Variants in DST observed in about 807,000 individuals in gnomAD.
DST encodes the protein dystonin.
A neutral mutation model predicts 875.2 loss-of-function variants in DST; 253 were observed. The observed-to-expected ratio is 0.29, with a 90% CI of 0.26 to 0.32. DST has a LOEUF of 0.32. DST is among the 10% of genes least tolerant of loss of function. The probability of loss-of-function intolerance (pLI) is 1.00; values close to 1 mark genes in which losing one functional copy is unlikely to be tolerated. For synonymous variants in DST, 3,124 were observed against 3,197.1 expected (o/e 0.98, Z 0.77); for missense variants, 8,287 against 9,111.6 (o/e 0.91, Z 3.68).
In DST at chr6:56,572,156, T is replaced by C. The variant is rs2097789375; in HGVS notation, c.13665A>G (p.Glu4555=). 6.5e-7 allele frequency: 1 copy of C among 1,534,370 alleles called. No individual in the cohort carries two copies. The highest frequency in any genetic ancestry group is 2.1e-5 in the Admixed American group (1 of 48,046). ...ATTTCTTTGACAAATTATTTGTTTTTTCAAGGACCAAAGCCTTATCACTTG... is the reference window on the plus strand; with the variant it reads ...ATTTCTTTGACAAATTATTTGTTTTCTCAAGGACCAAAGCCTTATCACTTG... The part of the protein sequence containing the change: ...GLPSDKALVL[E]KTNNLSKKFK... Residue 4555 remains glutamate (E), a synonymous_variant, in exon 53 of 104, where the codon GAA becomes GAG. Coordinates refer to ENST00000680361, the MANE Select transcript of DST (RefSeq NM_001374736.1).
At chr6:56,551,916 G>A (rs1015491377) in intron 61 of DST, among the ~76,000 whole-genome samples, 4 of 152,136 alleles carry the variant, frequency 2.6e-5, no homozygotes, top group African/African-American at 7.2e-5. Context: ...TGGACCCTAT[G>A]ATGTCAGTTT....
At chr6:56,527,040 C>T (rs1476804458) in intron 68 of DST, among the ~76,000 whole-genome samples, 1 of 152,068 alleles carries the variant, frequency 6.6e-6, no homozygotes, top group African/African-American at 2.4e-5. Context: ...TCCCTTTCAC[C>T]CACATGTGAT....
chr6:56,532,830 A>C (rs2096920356), intron 63 of DST, among the ~76,000 whole-genome samples: 1 of 152,354 alleles, frequency 6.6e-6, no homozygotes, highest in Non-Finnish European at 1.5e-5. Flanking sequence ...TCATGAAAAA[A>C]GTGCAAAATC....
In DST at chr6:56,604,259, T is replaced by C. The variant is rs951272332; in HGVS notation, c.10369A>G (p.Lys3457Glu). Reference protein sequence around the residue: ...NILKQDQHSQKITGVFELMRE... With the variant: ...NILKQDQHSQEITGVFELMRE... ...ATCAATTCAAATACTCCTGTAATTT[T>C]TTGGCTATGTTGATCTTGCTTCAAT... The change falls in exon 40 of 104, where the codon AAA (lysine) becomes GAA (glutamate). Residue 3457 changes from lysine to glutamate, a missense_variant. Lys to Glu is a moderately conservative substitution (Grantham distance 56). Coordinates refer to ENST00000680361, the MANE Select transcript of DST (RefSeq NM_001374736.1). 4.3e-6 allele frequency: 7 copies of C among 1,611,446 alleles called. No homozygotes were observed. In the East Asian group the frequency reaches 1.1e-4, roughly 26 times the overall value.
intron 4 of DST, among the ~76,000 whole-genome samples, chr6:56,827,509 A>AAAAAAAAAAAAAAAAAAAAAG: frequency 6.7e-6 from 1 of 149,808 alleles, no homozygotes; most frequent in African/African-American, 2.5e-5. Flanking sequence ...TCCGTCTCAA[A>AAAAAAAAAAAAAAAAAAAAAG]AAAAAAAAAA....
At chr6:56,706,530 C>T (rs2099339114) in intron 5 of DST, among the ~76,000 whole-genome samples, 1 of 152,184 alleles carries the variant, frequency 6.6e-6, no homozygotes, top group African/African-American at 2.4e-5. Flanking sequence ...CAGATAAGCA[C>T]TTAGGGAAAT....
chr6:56,700,769 G>T (rs561320173), intron 8 of DST, among the ~76,000 whole-genome samples: 2 of 152,140 alleles, frequency 1.3e-5, no homozygotes, highest in East Asian at 1.9e-4. Flanking sequence ...ACAAAATGCT[G>T]CCAGAAAACA....
At chr6:56,930,338 A>G (rs1592624455) in intron 2 of DST, among the ~76,000 whole-genome samples, 2 of 152,368 alleles carry the variant, frequency 1.3e-5, no homozygotes, top group South Asian at 4.1e-4. Context: ...AGCTTGAAGG[A>G]AACCCAGGCA....
In DST at chr6:56,605,362, T is replaced by C. The variant is rs768569546; in HGVS notation, c.9266A>G (p.Asn3089Ser). Residue 3089 changes from asparagine (N) to serine (S), a missense_variant, in exon 40 of 104, where the codon AAT (asparagine) becomes AGT (serine). Transcript: ENST00000680361. Reference protein sequence around the residue: ...KNTRDSFKLINSQFPFPQITN... With the variant: ...KNTRDSFKLISSQFPFPQITN... ...GATTTGTGGAAATGGAAACTGACTATTAATTAACTTGAAACTATCCCTTGT... is the reference window on the plus strand; with the variant it reads ...GATTTGTGGAAATGGAAACTGACTACTAATTAACTTGAAACTATCCCTTGT... 11 of 1,612,576 alleles carry C rather than the reference T, an allele frequency of 6.8e-6. No individual in the cohort carries two copies. Among genetic ancestry groups the C allele is most frequent in the Non-Finnish European group, 9.3e-6 (11 of 1,179,270 alleles).
chr6:56,712,268 C>A (rs2099370835), intron 5 of DST, among the ~76,000 whole-genome samples: 1 of 152,016 alleles, frequency 6.6e-6, no homozygotes, highest in Non-Finnish European at 1.5e-5. Flanking sequence ...TTAAAAAAAT[C>A]ATGGTAAGTA....
rs539782198 is a variant in DST, at chr6:56,634,341, T to C, written c.3495-83A>G. 726 of 1,608,252 alleles carry C rather than the reference T, an allele frequency of 4.5e-4. 2 individuals are homozygous for C. The highest frequency in any genetic ancestry group is 1.2e-3 in the Middle Eastern group (7 of 6,074). On this transcript the variant is annotated intron_variant, in intron 26 of 103. Coordinates refer to ENST00000680361, the MANE Select transcript of DST (RefSeq NM_001374736.1). ...GCAATTTTTCTTTTTGTGTGAAATA[T>C]TCCACGGATGAGTTCTAGAGACTTT... is the stretch of plus-strand genomic sequence containing the variant.
intron 69 of DST, among the ~76,000 whole-genome samples, chr6:56,518,592 G>A (rs1297296838): frequency 2.6e-5 from 4 of 152,082 alleles, no homozygotes; most frequent in Non-Finnish European, 4.4e-5. Context: ...ATAAATTTCT[G>A]TTGGCATCTC....
rs1484212977 is a variant in DST, at chr6:56,498,165, A to G, written c.19897-112T>C. ...AAACATCCTCAAACAAAAACGTTAT[A>G]TGTGTAGAATTTTAATTTTTTTTAA... On this transcript the variant is annotated intron_variant, in intron 80 of 103. Transcript: ENST00000680361. 16 of 1,065,034 alleles carry G rather than the reference A, an allele frequency of 1.5e-5. No homozygotes were observed. In the Admixed American group the frequency reaches 3.4e-4, roughly 23 times the overall value. The allele number at this position is 1,065,034 out of a possible 1,614,324, so 66.0% of individuals were successfully genotyped here. A position where few individuals can be genotyped will look rare whatever the true frequency, so the allele number is the denominator to read the frequency against.
At chr6:56,509,330 C>T (rs1035857486) in intron 74 of DST, among the ~76,000 whole-genome samples, 7 of 152,166 alleles carry the variant, frequency 4.6e-5, no homozygotes, top group Admixed American at 6.5e-5. Flanking sequence ...AGGAAAAAAC[C>T]CCAGATATGG....
At chr6:56,553,791 C>A in intron 60 of DST, 136 bp from the exon 61 acceptor site, 1 of 784,506 alleles carries the variant, frequency 1.3e-6, no homozygotes, top group Non-Finnish European at 2.0e-6. Flanking sequence ...ACTATAAGAA[C>A]TACAAGTGAA....
chr6:56,651,269 T>C lies in DST; in HGVS notation c.1215-25A>G, dbSNP rs1238037383. Reference sequence around the variant, plus strand: ...CCTAGGAAAAAATTCACTGTGTTAATTAGGTTTTCTCATGTGCCAATTCAA... The same window carrying C: ...CCTAGGAAAAAATTCACTGTGTTAACTAGGTTTTCTCATGTGCCAATTCAA... On this transcript the variant is annotated intron_variant, in intron 10 of 103. Coordinates refer to ENST00000680361, the MANE Select transcript of DST (RefSeq NM_001374736.1). 4 of 1,457,216 alleles carry C rather than the reference T, an allele frequency of 2.7e-6. No homozygotes were observed. In the South Asian group the frequency reaches 3.7e-5, roughly 13 times the overall value. 90.3% of individuals were successfully genotyped at this position (1,457,216 alleles called of 1,614,324 possible). A position where few individuals can be genotyped will look rare whatever the true frequency, so the allele number is the denominator to read the frequency against.
At chr6:56,782,888 G>A (rs2099697005) in intron 4 of DST, among the ~76,000 whole-genome samples, 1 of 152,072 alleles carries the variant, frequency 6.6e-6, no homozygotes. Flanking sequence ...TCTACACACT[G>A]CTTTGAATGT....
chr6:56,648,202 C>A (rs2098955094), intron 13 of DST, among the ~76,000 whole-genome samples: 1 of 151,882 alleles, frequency 6.6e-6, no homozygotes, highest in South Asian at 2.1e-4. Flanking sequence ...ACAGGCACAC[C>A]CCCAATCCAG....
At chr6:56,576,911 C>A (rs1030328909) in intron 50 of DST, among the ~76,000 whole-genome samples, 1 of 152,094 alleles carries the variant, frequency 6.6e-6, no homozygotes, top group African/African-American at 2.4e-5. Flanking sequence ...GCTACCCAGC[C>A]GATGCTATTT....
Sources: gnomAD v4.1 joint callset for allele counts (sites outside exome capture counted in the v4.1 genomes callset) on GRCh38, gnomAD v4.1.1 for gene constraint, MANE v1.5 for transcripts, NCBI Gene and HGNC (gene_info 2026-07-23, HGNC 2026-07-21) for gene names.